Variants in NCLN observed in about 807,000 individuals in gnomAD.
NCLN encodes the protein BOS complex subunit NCLN.
A neutral mutation model predicts 69.5 loss-of-function variants in NCLN; 34 were observed. That is an observed-to-expected ratio of 0.49 (90% CI 0.37 to 0.65). NCLN has a LOEUF of 0.65. NCLN is among the 30% of genes least tolerant of loss of function. The pLI is 0.00. For missense variants in NCLN, 710 were observed against 804.8 expected (o/e 0.88, Z 1.42); for synonymous variants, 393 against 358.3 (o/e 1.10, Z -1.09).
intron 5 of NCLN, 137 bp from the exon 6 acceptor site, chr19:3,201,386 G>C: frequency 3.1e-6 from 2 of 635,084 alleles, no homozygotes; most frequent in Non-Finnish European, 2.8e-6. Context: ...GACCGTGGCT[G>C]CTGTGGGCAG....
At chr19:3,207,328 T>A in intron 13 of NCLN, 63 bp from the exon 14 acceptor site, 2 of 1,612,064 alleles carry the variant, frequency 1.2e-6, no homozygotes, top group Non-Finnish European at 1.7e-6. Flanking sequence ...CCCACGGGGG[T>A]CTAGGGGTTC....
At chr19:3,196,411 G>GA in intron 4 of NCLN, 134 bp downstream of exon 4, 1 of 644,336 alleles carries the variant, frequency 1.6e-6, no homozygotes, top group Non-Finnish European at 2.6e-6. Context: ...CTGCCTGGCT[G>GA]AAAACCTCCT....
chr19:3,207,073 C>T (rs1306466814), intron 12 of NCLN, 125 bp from the exon 13 acceptor site: 3 of 1,107,614 alleles, frequency 2.7e-6, no homozygotes, highest in East Asian at 2.4e-5. Context: ...ATCCGCCTGC[C>T]TCAACCTCCC....
chr19:3,196,416 C>A, intron 4 of NCLN, 139 bp downstream of exon 4: 2 of 624,256 alleles, frequency 3.2e-6, no homozygotes, highest in Middle Eastern at 7.6e-4. Flanking sequence ...TGGCTGAAAA[C>A]CTCCTGTGGC....
intron 7 of NCLN, 69 bp downstream of exon 7, chr19:3,203,913 G>A: frequency 6.3e-7 from 1 of 1,578,542 alleles, no homozygotes; most frequent in South Asian, 1.1e-5. Context: ...GAGGCCCAGG[G>A]GTTGCCATGG....
At chr19:3,198,444 T>A (rs1199634534) in intron 4 of NCLN, among the ~76,000 whole-genome samples, 1 of 150,300 alleles carries the variant, frequency 6.7e-6, no homozygotes, top group Non-Finnish European at 1.5e-5. Context: ...GAGGTGGAGC[T>A]TGCAGTGAGC....
At chr19:3,187,638 C>T (rs1019945) in intron 1 of NCLN, among the ~76,000 whole-genome samples, 19,587 of 152,226 alleles carry the variant, frequency 0.13, 1,489 homozygotes, top group South Asian at 0.2. Flanking sequence ...GTGGTTGTCA[C>T]GACCACGGGT....
At chr19:3,188,096 G>A (rs1915716301) in intron 1 of NCLN, among the ~76,000 whole-genome samples, 1 of 152,078 alleles carries the variant, frequency 6.6e-6, no homozygotes, top group African/African-American at 2.4e-5. Flanking sequence ...TTCCAGGGCA[G>A]TCTGCACCCC....
chr19:3,197,750 A>G (rs1430397191), intron 4 of NCLN, among the ~76,000 whole-genome samples: 4 of 151,470 alleles, frequency 2.6e-5, no homozygotes, highest in Non-Finnish European at 4.4e-5. Flanking sequence ...CCTCCTAAGT[A>G]GCTGGGATTA....
intron 1 of NCLN, among the ~76,000 whole-genome samples, chr19:3,191,352 G>A (rs1240514623): frequency 6.6e-6 from 1 of 152,180 alleles, no homozygotes; most frequent in African/African-American, 2.4e-5. Context: ...AAGTGAATAA[G>A]CCCGTGATGG....
chr19:3,206,218 G>A lies in NCLN; in HGVS notation c.1335+28G>A, dbSNP rs1366922690. On this transcript the variant is annotated intron_variant, in intron 11 of 14. Transcript: ENST00000246117. Reference sequence around the variant, plus strand: ...AAGGGGGCCAGGCCAGTGGGTGGGTGGGTGGGCGGGGCCAGGCCATGACTA... The same window carrying A: ...AAGGGGGCCAGGCCAGTGGGTGGGTAGGTGGGCGGGGCCAGGCCATGACTA... 1.2e-5 allele frequency: 10 copies of A among 855,252 alleles called. No homozygotes were observed. The Admixed American group carries it at 2.1e-4, about 18-fold the overall frequency. The allele number at this position is 855,252 out of a possible 1,614,324, so 53.0% of individuals were successfully genotyped here.
chr19:3,202,187 C>T (rs770202356), intron 6 of NCLN, among the ~76,000 whole-genome samples: 2 of 152,094 alleles, frequency 1.3e-5, no homozygotes, highest in Non-Finnish European at 2.9e-5. Context: ...CAGGAGGCTG[C>T]ACACATTGAA....
At position 3,186,113 on chromosome 19, in the gene NCLN, C is replaced by T; in HGVS notation, c.83C>T (p.Ala28Val). Reference sequence around the variant, plus strand: ...CTCGGCTTCATCGTCTTCCTGCCCGCTGTGCTGCTGCTGGTGGCGCCGCCG... The same window carrying T: ...CTCGGCTTCATCGTCTTCCTGCCCGTTGTGCTGCTGCTGGTGGCGCCGCCG... ...LPLGFIVFLP[A>V]VLLLVAPPLP... Residue 28 changes from alanine to valine, a missense_variant, in exon 1 of 15, where the codon GCT becomes GTT. Coordinates refer to ENST00000246117, the MANE Select transcript of NCLN (RefSeq NM_020170.4). 2 of 1,598,996 alleles carry T rather than the reference C, an allele frequency of 1.3e-6. No homozygotes were observed. The highest frequency in any genetic ancestry group is 1.7e-6 in the Non-Finnish European group (2 of 1,174,738).
chr19:3,197,146 A>G (rs1915984074), intron 4 of NCLN, among the ~76,000 whole-genome samples: 1 of 152,196 alleles, frequency 6.6e-6, no homozygotes, highest in Non-Finnish European at 1.5e-5. Context: ...GGCGCGTCCT[A>G]TTCCCAGCGC....
rs760923713 is a variant in NCLN at position 3,207,775 on chromosome 19, G to A, written c.*87G>A. 44 of 1,184,548 alleles carry A rather than the reference G, an allele frequency of 3.7e-5. No individual in the cohort carries two copies. Among genetic ancestry groups the A allele is most frequent in the Middle Eastern group, 2.0e-4 (1 of 5,030 alleles). The allele number at this position is 1,184,548 out of a possible 1,614,324, so 73.4% of individuals were successfully genotyped here. A position where few individuals can be genotyped will look rare whatever the true frequency, so the allele number is the denominator to read the frequency against. Reference sequence around the variant, plus strand: ...GAGTGGACACTGCCCCGCCGCGGGCGGCCCTGCAGGGACAGGGGCCCTCTC... The same window carrying A: ...GAGTGGACACTGCCCCGCCGCGGGCAGCCCTGCAGGGACAGGGGCCCTCTC... On this transcript the variant is annotated 3_prime_UTR_variant, in exon 15 of 15. Coordinates refer to ENST00000246117, the MANE Select transcript of NCLN (RefSeq NM_020170.4).
Position 3,193,438 on chromosome 19 carries a change from G to T in NCLN, c.520+10G>T. The T allele has an allele frequency of 6.3e-7, 1 of 1,592,106 alleles. No individual in the cohort carries two copies. ...GCCTCTGCTGCTGAAGGTGTGCTCTGGGCTGCAGGGACGGGGCCCGTGGGC... is the reference window on the plus strand; with the variant it reads ...GCCTCTGCTGCTGAAGGTGTGCTCTTGGCTGCAGGGACGGGGCCCGTGGGC... On this transcript the variant is annotated intron_variant, in intron 3 of 14. Transcript: ENST00000246117.
At chr19:3,196,422 G>C in intron 4 of NCLN, 145 bp downstream of exon 4, 1 of 616,958 alleles carries the variant, frequency 1.6e-6, no homozygotes, top group Non-Finnish European at 2.8e-6. Context: ...AAAACCTCCT[G>C]TGGCTCCGCT....
rs563882061 is a variant in NCLN, at chr19:3,206,339, G to A, written c.1413G>A (p.Lys471=). 56 of 1,548,346 alleles carry A rather than the reference G, an allele frequency of 3.6e-5. No individual in the cohort carries two copies. Among genetic ancestry groups the A allele is most frequent in the South Asian group, 4.8e-5 (4 of 83,984 alleles). Residue 471 remains lysine (K), a synonymous_variant, in exon 12 of 15, where the codon AAG becomes AAA. Transcript: ENST00000246117. ...NQPRAAQLVD[K]DSTFLSTLEH... Reference sequence around the variant, plus strand: ...CGCGGGCCGCGCAGCTGGTGGACAAGGACAGCACCTTCCTCAGCACGCTGG... The same window carrying A: ...CGCGGGCCGCGCAGCTGGTGGACAAAGACAGCACCTTCCTCAGCACGCTGG...
intron 12 of NCLN, 97 bp from the exon 13 acceptor site, chr19:3,207,101 G>T: frequency 7.3e-7 from 1 of 1,376,080 alleles, no homozygotes; most frequent in Non-Finnish European, 1.0e-6. Context: ...TGGGATTGCA[G>T]GTGTGAGCCA....
Sources: allele counts gnomAD v4.1 joint callset (sites outside exome capture counted in the v4.1 genomes callset), GRCh38; gene constraint gnomAD v4.1.1; transcripts MANE v1.5; gene names NCBI Gene and HGNC (gene_info 2026-07-23, HGNC 2026-07-21).